Variants in NRXN1 observed in about 807,000 individuals in gnomAD.
NRXN1 encodes neurexin-1.
Under a neutral mutation model 150.9 loss-of-function variants are expected in NRXN1, and 39 were observed. The observed-to-expected ratio is 0.26, with a 90% CI of 0.20 to 0.34. The LOEUF is 0.34. Among genes scored for constraint, NRXN1 ranks in the 10% least tolerant of loss-of-function variants. NRXN1 has a pLI of 1.00. For missense variants in NRXN1, 1,815 were observed against 1,949.9 expected, an observed-to-expected ratio of 0.93 and a Z score of 1.30; for synonymous variants, 924 against 757.0, an observed-to-expected ratio of 1.22 and a Z score of -3.62.
At position 50,260,611 on chromosome 2, in the gene NRXN1, C is replaced by T. The variant is rs182354371; in HGVS notation, c.3365-23641G>A. Among the ~76,000 whole-genome samples the T allele has an allele frequency of 6.0e-3, 812 of 134,838 alleles. 8 individuals are homozygous for T. Among genetic ancestry groups the T allele is most frequent in the Non-Finnish European group, 9.9e-3 (631 of 63,440 alleles). The allele number at this position is 134,838 out of a possible 152,430, so 88.5% of individuals were successfully genotyped here. ...GCAAACACCGATGACAAAAGAAGTT[C>T]AAGCTTTTTTTTTTTCCGTTTTTTT... On this transcript the variant is annotated intron_variant, in intron 17 of 22. Coordinates refer to ENST00000401669, the MANE Select transcript of NRXN1 (RefSeq NM_001330078.2).
chr2:50,412,599 T>C (rs2083270680), intron 17 of NRXN1, among the ~76,000 whole-genome samples: 1 of 152,104 alleles, frequency 6.6e-6, no homozygotes, highest in African/African-American at 2.4e-5. Context: ...TAGATACATG[T>C]CATAAAATCC....
chr2:51,016,679 T>C (rs1275426446), intron 2 of NRXN1, among the ~76,000 whole-genome samples: 2 of 152,170 alleles, frequency 1.3e-5, no homozygotes, highest in Admixed American at 1.3e-4. Flanking sequence ...GTTCAGCCAT[T>C]GTAGAAGACA....
intron 17 of NRXN1, among the ~76,000 whole-genome samples, chr2:50,342,614 A>C (rs2077629144): frequency 6.6e-6 from 1 of 152,374 alleles, no homozygotes. Flanking sequence ...GAATCAATGA[A>C]GTAATCTGCA....
At chr2:50,607,941 C>T (rs1052884227) in intron 8 of NRXN1, among the ~76,000 whole-genome samples, 5 of 152,030 alleles carry the variant, frequency 3.3e-5, no homozygotes, top group Non-Finnish European at 7.4e-5. Flanking sequence ...TAAGAGTCCT[C>T]ATGGCTCATC....
chr2:50,129,691 C>T (rs920265388), intron 18 of NRXN1, among the ~76,000 whole-genome samples: 1 of 152,088 alleles, frequency 6.6e-6, no homozygotes, highest in African/African-American at 2.4e-5. Context: ...TTAAAAAAGG[C>T]AATCTTTATA....
chr2:50,306,872 A>C (rs1298468694), intron 17 of NRXN1, among the ~76,000 whole-genome samples: 1 of 152,210 alleles, frequency 6.6e-6, no homozygotes, highest in Admixed American at 6.5e-5. Context: ...CTATTTTATA[A>C]ATAGTTCTTC....
chr2:50,817,784 A>G (rs1047400717), intron 5 of NRXN1, among the ~76,000 whole-genome samples: 7 of 152,050 alleles, frequency 4.6e-5, no homozygotes, highest in Admixed American at 3.9e-4. Context: ...GTAAAAAAGT[A>G]TTTTACTAAA....
intron 5 of NRXN1, among the ~76,000 whole-genome samples, chr2:50,906,390 G>A (rs1023181880): frequency 2.0e-5 from 3 of 151,944 alleles, no homozygotes; most frequent in Non-Finnish European, 2.9e-5. Flanking sequence ...GACTCCAGTC[G>A]TGCCCACATC....
intron 17 of NRXN1, among the ~76,000 whole-genome samples, chr2:50,462,674 TAACAA>T (rs1473257571): frequency 6.6e-6 from 1 of 151,836 alleles, no homozygotes; most frequent in Non-Finnish European, 1.5e-5. Context: ...AGAAAGGGTT[TAACAA>T]ACATTTCATT....
At position 50,471,359 on chromosome 2, in the gene NRXN1, T is replaced by C. The variant is rs966573209; in HGVS notation, c.3244+939A>G. Among the ~76,000 whole-genome samples, 7 of 151,972 alleles carry C rather than the reference T, an allele frequency of 4.6e-5. No individual in the cohort carries two copies. The South Asian group carries it at 8.3e-4, about 18-fold the overall frequency. Reference sequence around the variant, plus strand: ...TTATAAGTGAGTAACATGAAGCATTTGGTTTTCCATTCCTGAGTCACTTCA... The same window carrying C: ...TTATAAGTGAGTAACATGAAGCATTCGGTTTTCCATTCCTGAGTCACTTCA... On this transcript the variant is annotated intron_variant, in intron 16 of 22. Transcript: ENST00000401669.
At chr2:50,002,738 G>C (rs932127173) in intron 21 of NRXN1, among the ~76,000 whole-genome samples, 8 of 152,048 alleles carry the variant, frequency 5.3e-5, no homozygotes, top group African/African-American at 1.9e-4. Flanking sequence ...TAGGAGTCAA[G>C]GGATCTGTGT....
chr2:50,795,392 T>C (rs940864707), intron 5 of NRXN1, among the ~76,000 whole-genome samples: 1 of 152,126 alleles, frequency 6.6e-6, no homozygotes, highest in South Asian at 2.1e-4. Context: ...GTTTATTTTT[T>C]CTCCCTTACT....
intron 5 of NRXN1, among the ~76,000 whole-genome samples, chr2:50,881,585 T>C (rs924655745): frequency 5.9e-5 from 9 of 151,928 alleles, no homozygotes; most frequent in Non-Finnish European, 1.0e-4. Flanking sequence ...CAGGGTTTTC[T>C]TTCCTACCCA....
rs1270800103 is a variant in NRXN1 at position 50,115,240 on chromosome 2, T to TATAC, written c.3547-23747_3547-23746insGTAT. Among the ~76,000 whole-genome samples the TATAC allele has an allele frequency of 5.0e-3, 674 of 133,954 alleles. 3 individuals carry two copies. The highest frequency in any genetic ancestry group is 0.015 in the African/African-American group (563 of 37,118). The allele number at this position is 133,954 out of a possible 152,430, so 87.9% of individuals were successfully genotyped here. A position where few individuals can be genotyped will look rare whatever the true frequency, so the allele number is the denominator to read the frequency against. ...GTGTATATATATATATATATATATA[T>TATAC]ACACACACACACATATATATAATAA... On this transcript the variant is annotated intron_variant, in intron 18 of 22. Transcript: ENST00000401669.
At chr2:50,141,561 C>T (rs1009904863) in intron 18 of NRXN1, among the ~76,000 whole-genome samples, 4 of 151,992 alleles carry the variant, frequency 2.6e-5, no homozygotes, top group Admixed American at 2.6e-4. Context: ...ACTATTCATC[C>T]AAGGGACTAA....
chr2:50,898,145 C>G (rs1682309512), intron 5 of NRXN1, among the ~76,000 whole-genome samples: 1 of 152,098 alleles, frequency 6.6e-6, no homozygotes, highest in Non-Finnish European at 1.5e-5. Context: ...AGTTGTGGCT[C>G]TATTCAGTCA....
intron 5 of NRXN1, among the ~76,000 whole-genome samples, chr2:50,641,809 C>A (rs1314093988): frequency 1.3e-5 from 2 of 152,072 alleles, no homozygotes; most frequent in East Asian, 3.9e-4. Context: ...GCAGAACAGC[C>A]ACTCCAAGCC....
At chr2:50,925,680 A>G (rs1030349251) in intron 3 of NRXN1, among the ~76,000 whole-genome samples, 3 of 151,920 alleles carry the variant, frequency 2.0e-5, no homozygotes, top group South Asian at 4.1e-4. Context: ...CATACAGAAC[A>G]CTGTAATAAC....
chr2:50,051,637 C>T (rs1692725286), intron 21 of NRXN1, among the ~76,000 whole-genome samples: 1 of 152,030 alleles, frequency 6.6e-6, no homozygotes, highest in African/African-American at 2.4e-5. Flanking sequence ...TTTCTAAAGT[C>T]ACAAGTCTTT....
Sources: gnomAD v4.1 joint callset for allele counts (sites outside exome capture counted in the v4.1 genomes callset) on GRCh38, gnomAD v4.1.1 for gene constraint, MANE v1.5 for transcripts, NCBI Gene and HGNC (gene_info 2026-07-23, HGNC 2026-07-21) for gene names.